MGST1: variants seen among roughly 807,000 people sequenced by gnomAD.
The protein encoded by MGST1 is microsomal glutathione S-transferase 1, also known as glutathione S-transferase 12.
A neutral mutation model predicts 8.9 loss-of-function variants in MGST1; 5 were observed. The ratio of observed to expected loss-of-function variants is 0.56; its 90% CI spans 0.29 to 1.19. The LOEUF is 1.19. Among genes scored for constraint, MGST1 ranks in the 50% most tolerant of loss-of-function variants. MGST1 has a pLI of 0.08. For missense variants in MGST1, 182 were observed against 187.4 expected (o/e 0.97, Z 0.17); for synonymous variants, 54 against 67.8 (o/e 0.80, Z 1.00).
At chr12:16,488,807 A>C (rs1179119330) in intron 4 of MGST1, among the ~76,000 whole-genome samples, 1 of 152,080 alleles carries the variant, frequency 6.6e-6, no homozygotes, top group Non-Finnish European at 1.5e-5. Flanking sequence ...CCACCGCTTA[A>C]ATGGACACAA....
At chr12:16,420,608 G>A (rs773736285) in intron 1 of MGST1, among the ~76,000 whole-genome samples, 1 of 152,064 alleles carries the variant, frequency 6.6e-6, no homozygotes, top group African/African-American at 2.4e-5. Context: ...CACAACAAAG[G>A]CTCCTCAGAT....
intron 1 of MGST1, among the ~76,000 whole-genome samples, chr12:16,392,241 C>G (rs528267442): frequency 6.6e-6 from 1 of 152,032 alleles, no homozygotes; most frequent in African/African-American, 2.4e-5. Flanking sequence ...TTCTTTTTTG[C>G]GTATTTGCAT....
rs527242791 is a variant in MGST1, at chr12:16,481,646, G to A, written n.482+98042G>A. On this transcript the variant is annotated intron_variant and non_coding_transcript_variant, in intron 4 of 4. Coordinates refer to the MGST1 transcript ENST00000538857. ...GTCAAGGAGTAGATTGGACATGGCT[G>A]AAGAAATAATTAATAATCTAGACGG... is the stretch of plus-strand genomic sequence containing the variant. Among the ~76,000 whole-genome samples the A allele has an allele frequency of 1.7e-3, 252 of 152,206 alleles. 1 individual carries two copies. Among genetic ancestry groups the A allele is most frequent in the African/African-American group, 5.9e-3 (244 of 41,518 alleles).
Position 16,401,745 on chromosome 12 carries a change from T to C in MGST1, n.778+18141T>C. 1.2e-6 allele frequency: 2 copies of C among 1,600,244 alleles called. No individual in the cohort carries two copies. Among genetic ancestry groups the C allele is most frequent in the Non-Finnish European group, 1.7e-6 (2 of 1,167,390 alleles). ...TGCCCCAGCAAGGTATTTTTTCTCTTCAACGGCCTTTTCCACAGACTCAGC... is the reference window on the plus strand; with the variant it reads ...TGCCCCAGCAAGGTATTTTTTCTCTCCAACGGCCTTTTCCACAGACTCAGC... On this transcript the variant is annotated intron_variant and non_coding_transcript_variant, in intron 1 of 1. Transcript: ENST00000359720. The surrounding 1 kb of genome is among the most constrained non-coding windows in gnomAD (Gnocchi z 4.3).
intron 4 of MGST1, among the ~76,000 whole-genome samples, chr12:16,523,557 A>G (rs890751706): frequency 6.6e-6 from 1 of 151,852 alleles, no homozygotes; most frequent in African/African-American, 2.4e-5. Flanking sequence ...CATTCTGGTG[A>G]TGCTTTCTGG....
At chr12:16,564,792 A>G (rs1252213318) in intron 4 of MGST1, among the ~76,000 whole-genome samples, 1 of 152,180 alleles carries the variant, frequency 6.6e-6, no homozygotes, top group Non-Finnish European at 1.5e-5. Context: ...GCATAAATTT[A>G]GAAGTTATTT....
In MGST1 at chr12:16,546,949, A is replaced by T. The variant is rs1463582451; in HGVS notation, n.483-42579A>T. Among the ~76,000 whole-genome samples, 27 of 152,146 alleles carry T rather than the reference A, an allele frequency of 1.8e-4. 1 individual carries two copies. The highest frequency in any genetic ancestry group is 1.8e-3 in the Admixed American group (27 of 15,266). On this transcript the variant is annotated intron_variant and non_coding_transcript_variant, in intron 4 of 4. Transcript: ENST00000538857. This position sits in a 1 kb window ranked among gnomAD's most constrained non-coding sequence, Gnocchi z 4.7. ...AAGTTACTGAAATTAAATCGTGTGTATACTAAAGCGTTGTAAAATTGACTC... is the reference window on the plus strand; with the variant it reads ...AAGTTACTGAAATTAAATCGTGTGTTTACTAAAGCGTTGTAAAATTGACTC...
chr12:16,480,966 A>AT (rs1328395366), intron 4 of MGST1, among the ~76,000 whole-genome samples: 4 of 152,168 alleles, frequency 2.6e-5, no homozygotes, highest in African/African-American at 9.7e-5. Context: ...GTTTAAAAAC[A>AT]TTTTTTAAAA....
At position 16,547,577 on chromosome 12, in the gene MGST1, G is replaced by T. The variant is rs913443904; in HGVS notation, n.483-41951G>T. On this transcript the variant is annotated intron_variant and non_coding_transcript_variant, in intron 4 of 4. Transcript: ENST00000538857. The surrounding 1 kb of genome is among the most constrained non-coding windows in gnomAD (Gnocchi z 4.6). ...TTTGATCTAGGCCAACCCTAAGTCT[G>T]CCCAACAGGAGGCTGAATGCTCAGG... Among the ~76,000 whole-genome samples, 5 of 152,100 alleles carry T rather than the reference G, an allele frequency of 3.3e-5. No individual in the cohort carries two copies. The highest frequency in any genetic ancestry group is 1.2e-4 in the African/African-American group (5 of 41,424).
At chr12:16,419,549 A>C (rs997363845) in intron 1 of MGST1, among the ~76,000 whole-genome samples, 2 of 152,354 alleles carry the variant, frequency 1.3e-5, no homozygotes, top group African/African-American at 4.8e-5. Context: ...TCTGTAAGAT[A>C]CTGTAGGAAA....
chr12:16,366,791 C>G (rs774004543), downstream of MGST1, among the ~76,000 whole-genome samples: 2 of 152,026 alleles, frequency 1.3e-5, no homozygotes, highest in Non-Finnish European at 2.9e-5. This position sits in a 1 kb window ranked among gnomAD's most constrained non-coding sequence, Gnocchi z 4.0. Context: ...CTCACCTGTC[C>G]TAAGGCAACT....
At chr12:16,423,740 A>G (rs994817665) in intron 1 of MGST1, among the ~76,000 whole-genome samples, 2 of 152,140 alleles carry the variant, frequency 1.3e-5, no homozygotes, top group South Asian at 2.1e-4. Context: ...TTGGTATTAC[A>G]TTTTCTCCAT....
chr12:16,483,298 T>G (rs755861543), intron 4 of MGST1, among the ~76,000 whole-genome samples: 2 of 152,042 alleles, frequency 1.3e-5, no homozygotes, highest in Non-Finnish European at 1.5e-5. Context: ...GTGCCCTTAA[T>G]AATTTTCTTC....
chr12:16,436,161 A>G (rs1381022287), intron 1 of MGST1, among the ~76,000 whole-genome samples: 2 of 151,908 alleles, frequency 1.3e-5, no homozygotes, highest in Non-Finnish European at 2.9e-5. Context: ...AGAACAAGCT[A>G]TTTGCTTTTC....
intron 4 of MGST1, among the ~76,000 whole-genome samples, chr12:16,554,957 CGGCCAG>C: frequency 6.6e-6 from 1 of 152,320 alleles, no homozygotes; most frequent in South Asian, 2.1e-4. Context: ...CCACCGCGCC[CGGCCAG>C]GTTTAAATCT....
In MGST1 at chr12:16,537,016, C is replaced by T. The variant is rs1382641245; in HGVS notation, n.483-52512C>T. On this transcript the variant is annotated intron_variant and non_coding_transcript_variant, in intron 4 of 4. Transcript: ENST00000538857. The surrounding 1 kb of genome is among the most constrained non-coding windows in gnomAD (Gnocchi z 4.6). ...CTCATTTTGGCATTAACCCAAAAGT[C>T]CACAGTCCAAAGTCTCATCTGAGAC... Among the ~76,000 whole-genome samples the T allele has an allele frequency of 6.6e-6, 1 of 152,176 alleles. No homozygotes were observed. Among genetic ancestry groups the T allele is most frequent in the African/African-American group, 2.4e-5 (1 of 41,450 alleles).
chr12:16,507,634 G>T (rs1392234289), intron 4 of MGST1, among the ~76,000 whole-genome samples: 1 of 152,146 alleles, frequency 6.6e-6, no homozygotes, highest in East Asian at 1.9e-4. Flanking sequence ...TAGCTGGGAG[G>T]CCTCAGGAAT....
intron 1 of MGST1, among the ~76,000 whole-genome samples, chr12:16,417,221 AG>A: frequency 6.6e-6 from 1 of 152,234 alleles, no homozygotes; most frequent in African/African-American, 2.4e-5. Context: ...GCAGAAGGGG[AG>A]GCAAACACAT....
In MGST1 at chr12:16,431,055, A is replaced by C. The variant is rs145898455; in HGVS notation, n.779-6333A>C. On this transcript the variant is annotated intron_variant and non_coding_transcript_variant, in intron 1 of 1. Transcript: ENST00000359720. Reference sequence around the variant, plus strand: ...CCTCAACTTGCACTTTATGTTATTAACATGGCATCTCTCCTTAAACCTCAT... The same window carrying C: ...CCTCAACTTGCACTTTATGTTATTACCATGGCATCTCTCCTTAAACCTCAT... Among the ~76,000 whole-genome samples the C allele has an allele frequency of 3.5e-3, 540 of 152,340 alleles. 3 individuals are homozygous for C. Among genetic ancestry groups the C allele is most frequent in the African/African-American group, 0.012 (514 of 41,580 alleles).
Sources: gnomAD v4.1 joint callset for allele counts (sites outside exome capture counted in the v4.1 genomes callset) on GRCh38, gnomAD v4.1.1 for gene constraint, Gnocchi (gnomAD v3.1) non-coding constraint, MANE v1.5 for transcripts, NCBI Gene and HGNC (gene_info 2026-07-23, HGNC 2026-07-21) for gene names.